Variants in NDST3 observed in about 807,000 individuals in gnomAD.
NDST3 encodes the protein bifunctional heparan sulfate N-deacetylase/N-sulfotransferase 3.
A neutral mutation model predicts 96.1 loss-of-function variants in NDST3; 58 were observed. That is an observed-to-expected ratio of 0.60 (90% CI 0.49 to 0.75). The LOEUF (loss-of-function observed/expected upper bound fraction) is 0.75, where lower values mean the gene tolerates loss of function less well. Ranked by LOEUF, NDST3 falls within the 30% of genes least tolerant of loss-of-function variation. The pLI is 0.00. For missense variants in NDST3, 788 were observed against 1,034.2 expected (o/e 0.76, Z 3.27); for synonymous variants, 333 against 359.7 (o/e 0.93, Z 0.84).
chr4:118,096,517 T>C (rs576735729), intron 2 of NDST3, among the ~76,000 whole-genome samples: 1 of 151,962 alleles, frequency 6.6e-6, no homozygotes, highest in East Asian at 1.9e-4. Context: ...AGCTAAACTT[T>C]AGAAGCTAAA....
At position 118,039,788 on chromosome 4, in the gene NDST3, A is replaced by G. The variant is rs74540331; in HGVS notation, c.-156+5196A>G. Among the ~76,000 whole-genome samples, 867 of 152,328 alleles carry G rather than the reference A, an allele frequency of 5.7e-3. 3 individuals carry two copies. The highest frequency in any genetic ancestry group is 0.014 in the Admixed American group (207 of 15,300). On this transcript the variant is annotated intron_variant, in intron 1 of 13. Transcript: ENST00000296499. ...GTGGAAAGACCCTGAGACAGAAAAGAGATTATCTCTTTTGGGAACTGAAAG... is the reference window on the plus strand; with the variant it reads ...GTGGAAAGACCCTGAGACAGAAAAGGGATTATCTCTTTTGGGAACTGAAAG...
intron 4 of NDST3, among the ~76,000 whole-genome samples, chr4:118,125,573 T>C (rs552338044): frequency 2.0e-5 from 3 of 152,200 alleles, no homozygotes; most frequent in African/African-American, 4.8e-5. Flanking sequence ...AAATTGTATA[T>C]GGGAGTTTAA....
chr4:118,087,798 A>C (rs1415185673), intron 2 of NDST3, among the ~76,000 whole-genome samples: 1 of 152,104 alleles, frequency 6.6e-6, no homozygotes, highest in East Asian at 1.9e-4. Context: ...GACTTATGAC[A>C]CTTCTCCCAA....
chr4:118,199,751 C>T (rs1737941017), intron 6 of NDST3, among the ~76,000 whole-genome samples: 1 of 152,118 alleles, frequency 6.6e-6, no homozygotes, highest in Non-Finnish European at 1.5e-5. Context: ...ATGATCTAAG[C>T]TATATCTGCT....
At chr4:118,084,213 C>T (rs1728236072) in intron 2 of NDST3, among the ~76,000 whole-genome samples, 1 of 151,674 alleles carries the variant, frequency 6.6e-6, no homozygotes, top group Non-Finnish European at 1.5e-5. Context: ...GTTTTAGCTA[C>T]TCTTGCTATA....
At chr4:118,148,432 G>A (rs1734121164) in intron 6 of NDST3, among the ~76,000 whole-genome samples, 1 of 152,072 alleles carries the variant, frequency 6.6e-6, no homozygotes, top group Non-Finnish European at 1.5e-5. Context: ...CTTTATGCAC[G>A]CATTTTATTA....
chr4:118,212,247 TA>T (rs1425541306), intron 6 of NDST3, among the ~76,000 whole-genome samples: 1 of 152,186 alleles, frequency 6.6e-6, no homozygotes, highest in Non-Finnish European at 1.5e-5. Flanking sequence ...CAGTCTGGAT[TA>T]AAAGTAGAGA....
intron 1 of NDST3, among the ~76,000 whole-genome samples, chr4:118,051,745 T>C (rs1461210398): frequency 6.6e-6 from 1 of 152,068 alleles, no homozygotes; most frequent in Non-Finnish European, 1.5e-5. Context: ...AGTCTCTTTA[T>C]TAAAAGAAGA....
intron 2 of NDST3, among the ~76,000 whole-genome samples, chr4:118,061,247 G>A (rs1311991021): frequency 2.0e-5 from 3 of 152,032 alleles, no homozygotes; most frequent in Admixed American, 6.6e-5. Flanking sequence ...CCCCAGATTG[G>A]TGCATGGCTC....
At chr4:118,124,680 T>C (rs1731893875) in intron 4 of NDST3, among the ~76,000 whole-genome samples, 1 of 152,030 alleles carries the variant, frequency 6.6e-6, no homozygotes, top group African/African-American at 2.4e-5. Context: ...TATTTTGAGA[T>C]ATTGAAAGAA....
intron 1 of NDST3, among the ~76,000 whole-genome samples, chr4:118,041,224 C>T (rs755217481): frequency 5.9e-5 from 9 of 152,124 alleles, no homozygotes; most frequent in Non-Finnish European, 1.3e-4. Flanking sequence ...ATCTTTGATG[C>T]AGGCTGTTGG....
At chr4:118,146,370 T>C (rs982679384) in intron 6 of NDST3, among the ~76,000 whole-genome samples, 5 of 152,210 alleles carry the variant, frequency 3.3e-5, no homozygotes, top group Non-Finnish European at 7.3e-5. Flanking sequence ...GGCACTTAAA[T>C]ACATTCACAT....
chr4:118,041,887 G>C (rs1019451570), intron 1 of NDST3, among the ~76,000 whole-genome samples: 4 of 152,130 alleles, frequency 2.6e-5, no homozygotes, highest in African/African-American at 9.7e-5. Flanking sequence ...GTCTAACAAG[G>C]AAGACAGACA....
At chr4:118,120,157 T>C (rs1365181812) in intron 4 of NDST3, among the ~76,000 whole-genome samples, 1 of 152,194 alleles carries the variant, frequency 6.6e-6, no homozygotes, top group Non-Finnish European at 1.5e-5. Context: ...TAAGATTCTA[T>C]CATTACTGTA....
At chr4:118,106,147 G>T (rs76831346) in intron 3 of NDST3, among the ~76,000 whole-genome samples, 1 of 152,044 alleles carries the variant, frequency 6.6e-6, no homozygotes, top group Non-Finnish European at 1.5e-5. Flanking sequence ...TTAATGATTT[G>T]TAGAAATTCT....
At chr4:118,159,362 T>G (rs1233079049) in intron 6 of NDST3, among the ~76,000 whole-genome samples, 2 of 152,156 alleles carry the variant, frequency 1.3e-5, no homozygotes, top group Non-Finnish European at 2.9e-5. Context: ...ATTGAGAATT[T>G]ACACACACAA....
chr4:118,065,623 C>T (rs1300837503), intron 2 of NDST3, among the ~76,000 whole-genome samples: 7 of 151,994 alleles, frequency 4.6e-5, no homozygotes, highest in African/African-American at 1.7e-4. Flanking sequence ...CACAGTTTAC[C>T]ATTTTCATTG....
chr4:118,236,107 G>A (rs774873875), intron 9 of NDST3, among the ~76,000 whole-genome samples: 4 of 152,082 alleles, frequency 2.6e-5, no homozygotes, highest in Non-Finnish European at 4.4e-5. Flanking sequence ...CCTTGTCTTG[G>A]TAGCCCAGTG....
At chr4:118,096,044 G>A (rs1361510565) in intron 2 of NDST3, among the ~76,000 whole-genome samples, 2 of 151,910 alleles carry the variant, frequency 1.3e-5, no homozygotes, top group African/African-American at 4.8e-5. Flanking sequence ...GTATGTAGAA[G>A]TATTTGTCTG....
Sources: gnomAD v4.1 joint callset for allele counts (sites outside exome capture counted in the v4.1 genomes callset) on GRCh38, gnomAD v4.1.1 for gene constraint, MANE v1.5 for transcripts, NCBI Gene and HGNC (gene_info 2026-07-23, HGNC 2026-07-21) for gene names.